Variants in PPARG observed in about 807,000 individuals in gnomAD.
The protein encoded by PPARG is peroxisome proliferator-activated receptor gamma.
In PPARG, 17 loss-of-function variants were observed where a neutral mutation model predicts 39.2. The observed-to-expected ratio is 0.43, with a 90% CI of 0.30 to 0.65. The LOEUF (loss-of-function observed/expected upper bound fraction) is 0.65. Ranked by LOEUF, PPARG falls within the 30% of genes least tolerant of loss-of-function variation. PPARG has a pLI of 0.13. For missense variants in PPARG, 406 were observed against 585.9 expected (o/e 0.69, Z 3.17); for synonymous variants, 223 against 215.7 (o/e 1.03, Z -0.30).
At chr3:12,388,013 A>G (rs1465831138) in intron 4 of PPARG, among the ~76,000 whole-genome samples, 1 of 152,162 alleles carries the variant, frequency 6.6e-6, no homozygotes, top group Non-Finnish European at 1.5e-5. Context: ...TAGCATTTTC[A>G]CCCACTAATA....
Position 12,362,171 on chromosome 3 carries a change from C to A in PPARG, c.-8-17533C>A, listed in dbSNP as rs543135526. On this transcript the variant is annotated intron_variant, in intron 2 of 7. Coordinates refer to ENST00000651735, the MANE Select transcript of PPARG (RefSeq NM_138711.6). ...TTTTGAATATTGACCTTGTACCCAG[C>A]AACTTTGCTAAATTATTTTATTAAC... 8.9e-4 allele frequency among the ~76,000 whole-genome samples: 136 copies of A among 152,232 alleles called. 1 individual carries two copies. In the South Asian group the frequency reaches 0.028, roughly 31 times the overall value.
intron 7 of PPARG, among the ~76,000 whole-genome samples, chr3:12,425,696 G>A (rs1034286047): frequency 2.0e-5 from 3 of 152,098 alleles, no homozygotes; most frequent in African/African-American, 4.8e-5. Context: ...AGAAATGTAC[G>A]TACATCACTA....
chr3:12,289,539 G>A (rs1320611155), intron 1 of PPARG, among the ~76,000 whole-genome samples: 1 of 152,182 alleles, frequency 6.6e-6, no homozygotes, highest in African/African-American at 2.4e-5. Context: ...GAGACAAATT[G>A]TTAACTGGAT....
chr3:12,342,008 G>C (rs1404577641), intron 2 of PPARG, among the ~76,000 whole-genome samples: 1 of 152,134 alleles, frequency 6.6e-6, no homozygotes, highest in African/African-American at 2.4e-5. Flanking sequence ...AGGAGAAAAA[G>C]TAACTGTACA....
intron 1 of PPARG, among the ~76,000 whole-genome samples, chr3:12,299,694 A>G (rs2046879713): frequency 6.6e-6 from 1 of 152,202 alleles, no homozygotes; most frequent in South Asian, 2.1e-4. Flanking sequence ...ATTCAAGTGA[A>G]TTTAATTTAT....
intron 2 of PPARG, among the ~76,000 whole-genome samples, chr3:12,346,106 G>C (rs1206447840): frequency 6.6e-6 from 1 of 152,184 alleles, no homozygotes; most frequent in Non-Finnish European, 1.5e-5. Flanking sequence ...GTGTTTAGTT[G>C]ATCCCTAGAA....
At chr3:12,312,113 T>C (rs13095716) in intron 1 of PPARG, among the ~76,000 whole-genome samples, 8 of 152,066 alleles carry the variant, frequency 5.3e-5, no homozygotes, top group African/African-American at 1.9e-4. Flanking sequence ...GGTGAAGTGA[T>C]TCTAATAGAT....
intron 6 of PPARG, chr3:12,406,802 T>C (rs1167230540): frequency 1.3e-5 from 2 of 152,166 alleles, no homozygotes; most frequent in African/African-American, 4.8e-5. Flanking sequence ...TAAAAATAGA[T>C]TCTAGATATT....
At chr3:12,364,902 T>G (rs1285246152) in intron 2 of PPARG, among the ~76,000 whole-genome samples, 1 of 152,204 alleles carries the variant, frequency 6.6e-6, no homozygotes, top group African/African-American at 2.4e-5. Context: ...TTCTTATTAT[T>G]GAGTTTTAAG....
At chr3:12,296,429 A>G (rs1252924312) in intron 1 of PPARG, among the ~76,000 whole-genome samples, 1 of 152,004 alleles carries the variant, frequency 6.6e-6, no homozygotes, top group Non-Finnish European at 1.5e-5. Context: ...ACTCTGCTTT[A>G]TACGCTGTTT....
chr3:12,352,871 G>A (rs1015623815), intron 2 of PPARG, among the ~76,000 whole-genome samples: 1 of 151,994 alleles, frequency 6.6e-6, no homozygotes, highest in Admixed American at 6.5e-5. Flanking sequence ...TTGTTATTCT[G>A]TTTTTCTGCA....
At chr3:12,376,286 C>CT (rs2049406023) in intron 2 of PPARG, among the ~76,000 whole-genome samples, 1 of 152,220 alleles carries the variant, frequency 6.6e-6, no homozygotes, top group East Asian at 1.9e-4. Flanking sequence ...CAGCCGAAAT[C>CT]TTCAATCTTC....
chr3:12,341,138 A>C (rs932320578), intron 2 of PPARG, among the ~76,000 whole-genome samples: 4 of 151,604 alleles, frequency 2.6e-5, no homozygotes, highest in South Asian at 4.2e-4. Flanking sequence ...AGCTGAGATC[A>C]CGCCACTGCA....
At chr3:12,369,010 T>C (rs2049117175) in intron 2 of PPARG, among the ~76,000 whole-genome samples, 1 of 152,184 alleles carries the variant, frequency 6.6e-6, no homozygotes, top group Non-Finnish European at 1.5e-5. Context: ...GGAAAGATAT[T>C]ATAATTAAAA....
At chr3:12,417,901 CCTTTTTTTTT>C (rs2051130131) in intron 7 of PPARG, among the ~76,000 whole-genome samples, 2 of 46,156 alleles carry the variant, frequency 4.3e-5, no homozygotes, top group Admixed American at 2.5e-4. Context: ...TTTTTTTTTT[CCTTTTTTTTT>C]TTTTTTTTTT....
chr3:12,317,076 G>A lies in PPARG; in HGVS notation c.-9+4623G>A, dbSNP rs552240988. The stretch of plus-strand genomic sequence containing the variant: ...CTGTAAATTACTAATAGGACACAAC[G>A]ATCTTTATCATTTTCTGTATGTGCT... On this transcript the variant is annotated intron_variant, in intron 2 of 7. Coordinates refer to ENST00000651735, the MANE Select transcript of PPARG (RefSeq NM_138711.6). Among the ~76,000 whole-genome samples, 14 of 152,218 alleles carry A rather than the reference G, an allele frequency of 9.2e-5. 1 individual carries two copies. Among genetic ancestry groups the A allele is most frequent in the South Asian group, 6.2e-4 (3 of 4,824 alleles).
At chr3:12,432,732 A>G (rs2051702383) in intron 7 of PPARG, among the ~76,000 whole-genome samples, 1 of 152,234 alleles carries the variant, frequency 6.6e-6, no homozygotes, top group Non-Finnish European at 1.5e-5. Context: ...TATCCAAAAA[A>G]AGTAGAAATC....
intron 1 of PPARG, among the ~76,000 whole-genome samples, chr3:12,300,852 T>C (rs2046907724): frequency 1.3e-5 from 2 of 152,228 alleles, no homozygotes; most frequent in South Asian, 4.1e-4. Flanking sequence ...TACCTTGCTG[T>C]GCACTGTATA....
At chr3:12,291,559 G>GTCA (rs1420448609) in intron 1 of PPARG, among the ~76,000 whole-genome samples, 2 of 152,116 alleles carry the variant, frequency 1.3e-5, no homozygotes, top group Non-Finnish European at 2.9e-5. Context: ...TAACTAAAAT[G>GTCA]TCATGTTTTA....
Sources: allele counts gnomAD v4.1 joint callset (sites outside exome capture counted in the v4.1 genomes callset), GRCh38; gene constraint gnomAD v4.1.1; transcripts MANE v1.5; gene names NCBI Gene and HGNC (gene_info 2026-07-23, HGNC 2026-07-21).